SIPA1L1: variants seen among roughly 807,000 people sequenced by gnomAD.
SIPA1L1 encodes the protein signal induced proliferation associated 1 like 1.
In SIPA1L1, 26 loss-of-function variants were observed where a neutral mutation model predicts 162.7. The ratio of observed to expected loss-of-function variants is 0.16; its 90% confidence interval spans 0.12 to 0.22. SIPA1L1 has a LOEUF of 0.22. Ranked by LOEUF, SIPA1L1 falls within the 10% of genes least tolerant of loss-of-function variation. The probability of loss-of-function intolerance (pLI) is 1.00; values close to 1 mark genes in which losing one functional copy is unlikely to be tolerated. For missense variants in SIPA1L1, 1,874 were observed against 2,241.0 expected, an observed-to-expected ratio of 0.84 and a Z score of 3.31; for synonymous variants, 829 against 837.4, an observed-to-expected ratio of 0.99 and a Z score of 0.17.
intron 13 of SIPA1L1, among the ~76,000 whole-genome samples, chr14:71,697,854 CT>C (rs1477034682): frequency 6.6e-6 from 1 of 152,082 alleles, no homozygotes; most frequent in African/African-American, 2.4e-5. Context: ...GACGTCAAAA[CT>C]TTGACTTGTC....
intron 4 of SIPA1L1, among the ~76,000 whole-genome samples, chr14:71,582,369 C>T (rs1014475529): frequency 3.3e-5 from 5 of 152,014 alleles, no homozygotes; most frequent in African/African-American, 1.2e-4. Flanking sequence ...TATTCCACCA[C>T]GTAACTTGTT....
At chr14:71,388,502 C>CT (rs2040509419) in intron 2 of SIPA1L1, among the ~76,000 whole-genome samples, 1 of 152,182 alleles carries the variant, frequency 6.6e-6, no homozygotes, top group Non-Finnish European at 1.5e-5. Context: ...ATGCACCTAA[C>CT]TGAGATTTTA....
chr14:71,602,842 C>T (rs1265481945), intron 5 of SIPA1L1, among the ~76,000 whole-genome samples: 7 of 152,190 alleles, frequency 4.6e-5, no homozygotes, highest in Admixed American at 1.3e-4. Context: ...ACTGCACATG[C>T]GAGGGATCTA....
rs117284726 is a variant in SIPA1L1 at position 71,521,904 on chromosome 14, T to G, written c.-361-7408T>G. ...TCATGACTAATGGGGTCAGTCATCT[T>G]TCATCTGACTGTTAACCCTTTATTT... On this transcript the variant is annotated intron_variant, in intron 3 of 23. Transcript: ENST00000381232. Among the ~76,000 whole-genome samples the G allele has an allele frequency of 9.5e-3, 1,446 of 152,338 alleles. 11 individuals are homozygous for G. The highest frequency in any genetic ancestry group is 0.017 in the Middle Eastern group (5 of 294).
At chr14:71,371,386 T>C (rs965144738) in intron 2 of SIPA1L1, among the ~76,000 whole-genome samples, 1 of 152,098 alleles carries the variant, frequency 6.6e-6, no homozygotes, top group Non-Finnish European at 1.5e-5. Flanking sequence ...TCAAAGTTTA[T>C]TTTTATTTTT....
intron 2 of SIPA1L1, among the ~76,000 whole-genome samples, chr14:71,492,203 A>G (rs993445062): frequency 6.6e-6 from 1 of 152,188 alleles, no homozygotes; most frequent in Non-Finnish European, 1.5e-5. Context: ...CAGTTACAGC[A>G]AGGATTTGGC....
At chr14:71,393,991 A>G (rs1337907061) in intron 2 of SIPA1L1, among the ~76,000 whole-genome samples, 2 of 152,254 alleles carry the variant, frequency 1.3e-5, no homozygotes, top group Non-Finnish European at 2.9e-5. Context: ...TTTCAGGCAG[A>G]CAAGTATTTG....
chr14:71,634,659 G>A lies in SIPA1L1; in HGVS notation c.1818+10423G>A, dbSNP rs983988170. ...CCCTTAAAAAGTAGCTAAGTTGGCC[G>A]GGCGCGGTGGCTCACGTCTGTAATC... is the stretch of plus-strand genomic sequence containing the variant. On this transcript the variant is annotated intron_variant, in intron 7 of 23. Coordinates refer to ENST00000381232, the MANE Select transcript of SIPA1L1 (RefSeq NM_001386936.1). 5.3e-5 allele frequency among the ~76,000 whole-genome samples: 8 copies of A among 152,192 alleles called. 1 individual carries two copies. Among genetic ancestry groups the A allele is most frequent in the Admixed American group, 6.5e-5 (1 of 15,278 alleles).
chr14:71,560,081 T>G (rs951936973), intron 4 of SIPA1L1, among the ~76,000 whole-genome samples: 1 of 152,218 alleles, frequency 6.6e-6, no homozygotes, highest in African/African-American at 2.4e-5. Flanking sequence ...CATTCGTTTC[T>G]TCATTCTACT....
At chr14:71,723,623 T>C (rs749986029) in intron 17 of SIPA1L1, 24 bp from the exon 18 acceptor site, 12 of 1,612,508 alleles carry the variant, frequency 7.4e-6, no homozygotes, top group Non-Finnish European at 9.3e-6. Flanking sequence ...GAGATACACA[T>C]GTCTTTGCCC....
intron 10 of SIPA1L1, among the ~76,000 whole-genome samples, chr14:71,661,847 T>C (rs1022590242): frequency 2.0e-5 from 3 of 152,226 alleles, no homozygotes; most frequent in Admixed American, 6.5e-5. Flanking sequence ...AGCATTGTTA[T>C]TAAAGAAGCC....
At chr14:71,559,264 C>T (rs917525545) in intron 4 of SIPA1L1, among the ~76,000 whole-genome samples, 1 of 151,956 alleles carries the variant, frequency 6.6e-6, no homozygotes, top group Non-Finnish European at 1.5e-5. Flanking sequence ...GAGGTGGTTT[C>T]GCCATGTTGG....
chr14:71,531,565 T>A (rs1243569517), intron 4 of SIPA1L1, among the ~76,000 whole-genome samples: 1 of 152,066 alleles, frequency 6.6e-6, no homozygotes, highest in Non-Finnish European at 1.5e-5. Context: ...TGCTTTTGTT[T>A]TTGTTGTTTT....
intron 2 of SIPA1L1, among the ~76,000 whole-genome samples, chr14:71,380,006 T>C (rs1042691017): frequency 1.3e-5 from 2 of 152,154 alleles, no homozygotes; most frequent in South Asian, 2.1e-4. Context: ...AATAATAATA[T>C]AGAATAGAGG....
intron 3 of SIPA1L1, among the ~76,000 whole-genome samples, chr14:71,513,377 A>C (rs1279471050): frequency 1.3e-5 from 2 of 152,066 alleles, no homozygotes; most frequent in African/African-American, 4.8e-5. Flanking sequence ...CTTTTTACCT[A>C]GTGTATCAGT....
chr14:71,643,436 G>T (rs558773166), intron 7 of SIPA1L1, among the ~76,000 whole-genome samples: 1 of 152,030 alleles, frequency 6.6e-6, no homozygotes, highest in African/African-American at 2.4e-5. Context: ...AGACTTTTTT[G>T]TGTGTTTACC....
chr14:71,601,509 A>G (rs2036745210), intron 5 of SIPA1L1, among the ~76,000 whole-genome samples: 3 of 152,074 alleles, frequency 2.0e-5, no homozygotes, highest in Admixed American at 6.5e-5. Flanking sequence ...TTTGTTGAAC[A>G]TTTTTGCATG....
At chr14:71,444,463 A>G (rs1465613671) in intron 2 of SIPA1L1, among the ~76,000 whole-genome samples, 1 of 151,928 alleles carries the variant, frequency 6.6e-6, no homozygotes, top group East Asian at 1.9e-4. Context: ...AAGTTCCCAG[A>G]CTCTCCTAAT....
chr14:71,593,985 G>A (rs547734459), intron 5 of SIPA1L1, among the ~76,000 whole-genome samples: 1 of 152,268 alleles, frequency 6.6e-6, no homozygotes, highest in African/African-American at 2.4e-5. Context: ...AAAGAGGGAC[G>A]ACTAATGCTT....
Sources: gnomAD v4.1 joint callset for allele counts (sites outside exome capture counted in the v4.1 genomes callset) on GRCh38, gnomAD v4.1.1 for gene constraint, MANE v1.5 for transcripts, NCBI Gene and HGNC (gene_info 2026-07-23, HGNC 2026-07-21) for gene names.